Variants in MLLT3 observed in about 807,000 individuals in gnomAD.
MLLT3 encodes protein AF-9.
MLLT3 carries 4 observed loss-of-function variants against 53.2 expected under a neutral mutation model. The ratio of observed to expected loss-of-function variants is 0.08; its 90% CI spans 0.04 to 0.17. The LOEUF (loss-of-function observed/expected upper bound fraction) is 0.17. MLLT3 is among the 10% of genes least tolerant of loss of function. MLLT3 has a pLI of 1.00. For missense variants in MLLT3, 569 were observed against 684.0 expected (o/e 0.83, Z 1.87); for synonymous variants, 283 against 230.6 (o/e 1.23, Z -2.06).
intron 2 of MLLT3, among the ~76,000 whole-genome samples, chr9:20,589,943 T>C (rs1161532508): frequency 6.6e-6 from 1 of 152,086 alleles, no homozygotes; most frequent in African/African-American, 2.4e-5. Context: ...ACTCCTGACC[T>C]CGTGATCCAC....
At chr9:20,616,337 T>C (rs1488047616) in intron 2 of MLLT3, among the ~76,000 whole-genome samples, 1 of 152,218 alleles carries the variant, frequency 6.6e-6, no homozygotes, top group African/African-American at 2.4e-5. Context: ...CTACCCAAGA[T>C]ATTAAAGATC....
rs142480139 is a variant in MLLT3, at chr9:20,358,391, T to C, written c.1431+2351A>G. On this transcript the variant is annotated intron_variant, in intron 8 of 10. Coordinates refer to ENST00000380338, the MANE Select transcript of MLLT3 (RefSeq NM_004529.4). ...GGAGAAAGTGACACATAATACAGTA[T>C]TATTGGCAGACTGATGATTCACATG... 8.0e-4 allele frequency among the ~76,000 whole-genome samples: 122 copies of C among 152,328 alleles called. No homozygotes were observed. In the East Asian group the frequency reaches 8.7e-3, roughly 11 times the overall value.
chr9:20,435,210 T>A (rs565406416), intron 4 of MLLT3, among the ~76,000 whole-genome samples: 81 of 152,256 alleles, frequency 5.3e-4, no homozygotes, highest in African/African-American at 1.8e-3. Context: ...TTTGTTTTCC[T>A]TCTTTCTTTC....
chr9:20,450,546 A>G (rs1236852282), intron 3 of MLLT3, among the ~76,000 whole-genome samples: 9 of 152,138 alleles, frequency 5.9e-5, no homozygotes, highest in Non-Finnish European at 2.9e-5. Flanking sequence ...CAGTTCCCCA[A>G]TACTTCACAT....
intron 2 of MLLT3, among the ~76,000 whole-genome samples, chr9:20,525,358 T>C (rs35405959): frequency 1.1e-4 from 16 of 152,160 alleles, no homozygotes; most frequent in Non-Finnish European, 1.6e-4. Flanking sequence ...TTACCGAGTG[T>C]GGTGGCGTGC....
chr9:20,561,492 T>C (rs1312629691), intron 2 of MLLT3, among the ~76,000 whole-genome samples: 7 of 152,162 alleles, frequency 4.6e-5, no homozygotes, highest in Non-Finnish European at 1.0e-4. Context: ...TGATTGCTGG[T>C]TTTAATCATC....
intron 10 of MLLT3, among the ~76,000 whole-genome samples, chr9:20,347,792 T>C (rs751737918): frequency 2.6e-5 from 4 of 152,214 alleles, no homozygotes; most frequent in Non-Finnish European, 5.9e-5. Flanking sequence ...TTACCTCTGA[T>C]TCTCTTTAGG....
At chr9:20,470,256 T>C (rs903517760) in intron 2 of MLLT3, among the ~76,000 whole-genome samples, 6 of 151,902 alleles carry the variant, frequency 3.9e-5, no homozygotes, top group African/African-American at 9.7e-5. Context: ...GCTAAAAGAA[T>C]AGAAAAAAAT....
chr9:20,417,383 A>G (rs1434184525), intron 4 of MLLT3, among the ~76,000 whole-genome samples: 1 of 147,924 alleles, frequency 6.8e-6, no homozygotes, highest in East Asian at 2.0e-4. Flanking sequence ...TTATATATAA[A>G]TATGTATATC....
chr9:20,472,285 G>A (rs576264513), intron 2 of MLLT3, among the ~76,000 whole-genome samples: 1 of 152,108 alleles, frequency 6.6e-6, no homozygotes, highest in East Asian at 1.9e-4. Context: ...TCCTGGGATA[G>A]GTTTATATTC....
At chr9:20,390,114 T>C (rs1253062357) in intron 5 of MLLT3, among the ~76,000 whole-genome samples, 1 of 152,084 alleles carries the variant, frequency 6.6e-6, no homozygotes, top group Non-Finnish European at 1.5e-5. Context: ...TCCAATGAAC[T>C]GAAGATAAAA....
intron 2 of MLLT3, among the ~76,000 whole-genome samples, chr9:20,590,328 G>C (rs552028471): frequency 1.3e-5 from 2 of 152,270 alleles, no homozygotes; most frequent in Admixed American, 1.3e-4. Flanking sequence ...TATACTTACT[G>C]CTGATATGGG....
chr9:20,505,924 G>A (rs1473355349), intron 2 of MLLT3, among the ~76,000 whole-genome samples: 5 of 152,160 alleles, frequency 3.3e-5, no homozygotes, highest in Non-Finnish European at 7.3e-5. Context: ...TGTTACGTGA[G>A]CTAAAATGTC....
At chr9:20,557,443 G>T (rs543507768) in intron 2 of MLLT3, among the ~76,000 whole-genome samples, 2 of 152,084 alleles carry the variant, frequency 1.3e-5, no homozygotes, top group Admixed American at 6.6e-5. Flanking sequence ...AATTAATATA[G>T]CTAAAACCTT....
intron 2 of MLLT3, among the ~76,000 whole-genome samples, chr9:20,537,600 T>A (rs1365407571): frequency 6.6e-6 from 1 of 152,164 alleles, no homozygotes; most frequent in Non-Finnish European, 1.5e-5. Flanking sequence ...CTCAAACAAA[T>A]CCTTGGTTCC....
intron 2 of MLLT3, among the ~76,000 whole-genome samples, chr9:20,609,033 A>C (rs1820637355): frequency 6.6e-6 from 1 of 152,038 alleles, no homozygotes; most frequent in South Asian, 2.1e-4. Flanking sequence ...ATGTTAACCT[A>C]AAAAAGATAC....
chr9:20,353,634 T>C, intron 9 of MLLT3, 38 bp from the exon 10 acceptor site: 1 of 1,536,450 alleles, frequency 6.5e-7, no homozygotes, highest in Non-Finnish European at 9.0e-7. Context: ...GACAAGCACT[T>C]TAAGTAGTAG....
At chr9:20,476,435 C>G (rs1419326645) in intron 2 of MLLT3, among the ~76,000 whole-genome samples, 1 of 152,094 alleles carries the variant, frequency 6.6e-6, no homozygotes, top group Non-Finnish European at 1.5e-5. Flanking sequence ...CATGCCTTAT[C>G]CACATGTTCC....
At chr9:20,592,813 G>A (rs1023955935) in intron 2 of MLLT3, among the ~76,000 whole-genome samples, 1 of 152,136 alleles carries the variant, frequency 6.6e-6, no homozygotes, top group African/African-American at 2.4e-5. Flanking sequence ...TTACCAGGAG[G>A]TCTATTCCAA....
Sources: gnomAD v4.1 joint callset for allele counts (sites outside exome capture counted in the v4.1 genomes callset) on GRCh38, gnomAD v4.1.1 for gene constraint, MANE v1.5 for transcripts, NCBI Gene and HGNC (gene_info 2026-07-23, HGNC 2026-07-21) for gene names.